The following TM9SF2 variants were observed in gnomAD, a reference collection of about 807,000 sequenced individuals.
TM9SF2 encodes 76 kDa membrane protein.
In TM9SF2, 13 loss-of-function variants were observed where a neutral mutation model predicts 84.9. The observed-to-expected ratio is 0.15, with a 90% confidence interval of 0.10 to 0.24. TM9SF2 has a LOEUF of 0.24. TM9SF2 is among the 10% of genes least tolerant of loss of function. TM9SF2 has a pLI of 1.00. For missense variants in TM9SF2, 562 were observed against 818.5 expected (o/e 0.69, Z 3.82); for synonymous variants, 273 against 285.8 (o/e 0.96, Z 0.45).
In TM9SF2 at chr13:99,520,466, G is replaced by A. The variant is rs550207514; in HGVS notation, c.333+337G>A. The stretch of plus-strand genomic sequence containing the variant: ...CCAGTCATGAGAGGTTGTCTCAGCT[G>A]CTCTGTGTCTCTTTCCCCCTGTTTT... On this transcript the variant is annotated intron_variant, in intron 3 of 16. Transcript: ENST00000376387. 3.7e-4 allele frequency among the ~76,000 whole-genome samples: 57 copies of A among 152,282 alleles called. 1 individual carries two copies. In the South Asian group the frequency reaches 0.012, roughly 31 times the overall value.
chr13:99,559,659 G>A, intron 16 of TM9SF2, 125 bp downstream of exon 16: 2 of 872,114 alleles, frequency 2.3e-6, no homozygotes, highest in Non-Finnish European at 3.4e-6. Context: ...TTAGTCCTCA[G>A]CACAACTAGG....
intron 2 of TM9SF2, among the ~76,000 whole-genome samples, chr13:99,518,696 A>T (rs2046145431): frequency 6.6e-6 from 1 of 151,486 alleles, no homozygotes; most frequent in Non-Finnish European, 1.5e-5. Flanking sequence ...TCCTGGGCTT[A>T]GGTGATCCTC....
chr13:99,511,776 C>G (rs1350144509), intron 1 of TM9SF2, among the ~76,000 whole-genome samples: 1 of 152,002 alleles, frequency 6.6e-6, no homozygotes, highest in Non-Finnish European at 1.5e-5. Flanking sequence ...GACTTTCTTA[C>G]AAAAGTAGTG....
At chr13:99,556,077 G>A (rs1011062054) in intron 15 of TM9SF2, among the ~76,000 whole-genome samples, 3 of 152,090 alleles carry the variant, frequency 2.0e-5, no homozygotes, top group African/African-American at 7.2e-5. Context: ...TAATCACATT[G>A]TAATGAGTTC....
intron 1 of TM9SF2, among the ~76,000 whole-genome samples, chr13:99,511,505 T>C (rs1185074686): frequency 1.3e-5 from 2 of 152,240 alleles, no homozygotes; most frequent in Non-Finnish European, 2.9e-5. Flanking sequence ...TTTAGAGTTA[T>C]TGCAAATGTA....
chr13:99,551,973 A>C (rs1159319449), intron 12 of TM9SF2, among the ~76,000 whole-genome samples, 194 bp from the exon 13 acceptor site: 1 of 152,256 alleles, frequency 6.6e-6, no homozygotes, highest in Admixed American at 6.5e-5. Flanking sequence ...GGAGGAGTTT[A>C]ACTCAGGCAA....
At chr13:99,561,305 G>A (rs974464363) in intron 16 of TM9SF2, among the ~76,000 whole-genome samples, 5 of 152,150 alleles carry the variant, frequency 3.3e-5, no homozygotes, top group African/African-American at 9.7e-5. Context: ...AAGGAAAGAC[G>A]CCACTTTTAG....
At chr13:99,558,468 G>A (rs1594063249) in intron 15 of TM9SF2, among the ~76,000 whole-genome samples, 2 of 152,348 alleles carry the variant, frequency 1.3e-5, no homozygotes, top group East Asian at 1.9e-4. Flanking sequence ...AACATGGGAT[G>A]TCTTTCCATT....
chr13:99,527,073 G>A (rs537709427), intron 3 of TM9SF2, among the ~76,000 whole-genome samples: 2 of 152,264 alleles, frequency 1.3e-5, no homozygotes, highest in African/African-American at 4.8e-5. Context: ...GTGTTCTGCT[G>A]GTGACACATG....
chr13:99,530,946 C>A, intron 4 of TM9SF2, among the ~76,000 whole-genome samples: 1 of 151,830 alleles, frequency 6.6e-6, no homozygotes, highest in Non-Finnish European at 1.5e-5. Flanking sequence ...CTGCAACCTC[C>A]GTCTCCTGGG....
intron 4 of TM9SF2, 45 bp downstream of exon 4, chr13:99,529,639 T>C: frequency 4.1e-6 from 6 of 1,451,654 alleles, no homozygotes; most frequent in East Asian, 2.6e-5. Flanking sequence ...CCTTTCCATA[T>C]GAAATCTTTG....
At chr13:99,516,204 G>A (rs188515566) in intron 1 of TM9SF2, among the ~76,000 whole-genome samples, 1 of 152,328 alleles carries the variant, frequency 6.6e-6, no homozygotes, top group East Asian at 1.9e-4. Context: ...AATCTTGCCT[G>A]CTGTGTTTTG....
At chr13:99,508,096 A>G (rs2046096081) in intron 1 of TM9SF2, among the ~76,000 whole-genome samples, 1 of 152,196 alleles carries the variant, frequency 6.6e-6, no homozygotes, top group Non-Finnish European at 1.5e-5. Flanking sequence ...TCTAAATAAA[A>G]CCACTTCTAT....
chr13:99,540,489 G>A (rs1253684249), intron 7 of TM9SF2: 5 of 324,460 alleles, frequency 1.5e-5, no homozygotes, highest in Admixed American at 9.9e-5. Flanking sequence ...GGTATTACTA[G>A]GAATTCTTTT....
At chr13:99,546,877 T>G in intron 10 of TM9SF2, 108 bp from the exon 11 acceptor site, 1 of 1,487,706 alleles carries the variant, frequency 6.7e-7, no homozygotes, top group Non-Finnish European at 9.1e-7. Flanking sequence ...TGGTTTTGCG[T>G]GAAGTTGTAT....
chr13:99,515,520 T>G (rs769832455), intron 1 of TM9SF2, among the ~76,000 whole-genome samples: 6 of 152,204 alleles, frequency 3.9e-5, no homozygotes, highest in Non-Finnish European at 7.3e-5. Flanking sequence ...TATGATGCTG[T>G]TGTCGGTATT....
intron 5 of TM9SF2, 124 bp downstream of exon 5, chr13:99,536,861 A>T (rs1270444963): frequency 9.9e-7 from 1 of 1,011,600 alleles, no homozygotes; most frequent in African/African-American, 1.6e-5. Context: ...TCTGAAGTAC[A>T]ACTACTTCAA....
At chr13:99,548,015 C>A (rs1015318795) in intron 11 of TM9SF2, among the ~76,000 whole-genome samples, 7 of 152,152 alleles carry the variant, frequency 4.6e-5, no homozygotes, top group Non-Finnish European at 1.5e-5. Flanking sequence ...TTGTCAAGTT[C>A]TTTCTTCCCC....
At position 99,537,822 on chromosome 13, in the gene TM9SF2, C is replaced by G. The variant is rs757521733; in HGVS notation, c.675C>G (p.Ser225=). ...KIYYHVVETG[S]MGARLVAAKL... ...ACTATCATGTTGTTGAAACTGGGTC[C>G]ATGGGAGCAAGATTAGTGGCTGCTA... is the stretch of plus-strand genomic sequence containing the variant. The change falls in exon 6 of 17, where the codon TCC becomes TCG. Residue 225 remains serine (S), a synonymous_variant. Transcript: ENST00000376387. 3.7e-6 allele frequency: 6 copies of G among 1,610,506 alleles called. No homozygotes were observed. The South Asian group carries it at 6.7e-5, about 18-fold the overall frequency.
Sources: gnomAD v4.1 joint callset for allele counts (sites outside exome capture counted in the v4.1 genomes callset) on GRCh38, gnomAD v4.1.1 for gene constraint, MANE v1.5 for transcripts, NCBI Gene and HGNC (gene_info 2026-07-23, HGNC 2026-07-21) for gene names.